The following DLG2 variants were observed in gnomAD, a reference collection of about 807,000 sequenced individuals.
DLG2 encodes the protein disks large homolog 2.
DLG2 carries 45 observed loss-of-function variants against 132.5 expected under a neutral mutation model. The observed-to-expected ratio is 0.34, with a 90% CI of 0.27 to 0.44. DLG2 has a LOEUF of 0.44. DLG2 is among the 20% of genes least tolerant of loss of function. The probability of loss-of-function intolerance (pLI) is 1.00; values close to 1 mark genes in which losing one functional copy is unlikely to be tolerated. For missense variants in DLG2, 1,045 were observed against 1,196.9 expected, an observed-to-expected ratio of 0.87 and a Z score of 1.87; for synonymous variants, 424 against 419.6, an observed-to-expected ratio of 1.01 and a Z score of -0.13.
intron 3 of DLG2, among the ~76,000 whole-genome samples, chr11:85,568,101 G>A (rs1400035963): frequency 6.8e-6 from 1 of 147,950 alleles, no homozygotes; most frequent in Admixed American, 6.9e-5. Flanking sequence ...TGAAACCTCT[G>A]CCTCCCAGGT....
At chr11:83,804,510 GGTACATTT>G (rs2045384581) in intron 17 of DLG2, among the ~76,000 whole-genome samples, 1 of 148,348 alleles carries the variant, frequency 6.7e-6, no homozygotes, top group African/African-American at 2.5e-5. Flanking sequence ...TTAACATTTT[GGTACATTT>G]GTTCTCCCTC....
chr11:85,163,451 T>A (rs2152478303), intron 4 of DLG2, among the ~76,000 whole-genome samples: 1 of 152,152 alleles, frequency 6.6e-6, no homozygotes, highest in South Asian at 2.1e-4. Flanking sequence ...ATAGAAAGTA[T>A]AGGAGGAGCA....
At chr11:85,288,391 C>T (rs1049930592) in intron 3 of DLG2, among the ~76,000 whole-genome samples, 11 of 151,548 alleles carry the variant, frequency 7.3e-5, no homozygotes, top group African/African-American at 2.4e-4. Flanking sequence ...TAATAACATA[C>T]GGGCTGGTAG....
intron 11 of DLG2, among the ~76,000 whole-genome samples, chr11:84,046,928 A>T (rs997258640): frequency 6.6e-6 from 1 of 151,680 alleles, no homozygotes; most frequent in Non-Finnish European, 1.5e-5. Context: ...TTTGACTGAC[A>T]GCTTAGTGGC....
intron 6 of DLG2, among the ~76,000 whole-genome samples, chr11:84,826,752 C>T (rs1270514137): frequency 6.6e-6 from 1 of 151,854 alleles, no homozygotes; most frequent in African/African-American, 2.4e-5. Flanking sequence ...TGTTTTCTAA[C>T]CAGGACAACC....
chr11:85,561,731 C>G (rs2077260237), intron 3 of DLG2, among the ~76,000 whole-genome samples: 1 of 151,836 alleles, frequency 6.6e-6, no homozygotes, highest in South Asian at 2.1e-4. Context: ...TACAACCGTT[C>G]TAATCACAAA....
intron 7 of DLG2, among the ~76,000 whole-genome samples, chr11:84,473,305 C>G (rs775251078): frequency 3.3e-5 from 5 of 151,984 alleles, no homozygotes; most frequent in African/African-American, 1.2e-4. Context: ...AAGCCTAGCT[C>G]TCACACAAAT....
rs147535870 is a variant in DLG2, at chr11:84,919,177, A to G, written c.357+192484T>C. On this transcript the variant is annotated intron_variant, in intron 6 of 27. Coordinates refer to ENST00000376104, the MANE Select transcript of DLG2 (RefSeq NM_001142699.3). ...CTACTTGGTGGTCTTCATTTTCTCA[A>G]TGATGAGTTAATTTGATTGAGTTAT... Among the ~76,000 whole-genome samples the G allele has an allele frequency of 3.0e-4, 45 of 152,248 alleles. No homozygotes were observed. The East Asian group carries it at 7.3e-3, about 25-fold the overall frequency.
At chr11:83,882,016 T>C (rs2066405744) in intron 15 of DLG2, among the ~76,000 whole-genome samples, 1 of 152,198 alleles carries the variant, frequency 6.6e-6, no homozygotes, top group African/African-American at 2.4e-5. Context: ...CTTAGTTCAC[T>C]TTTAATTCTT....
intron 11 of DLG2, among the ~76,000 whole-genome samples, chr11:84,055,902 T>C (rs2096490250): frequency 6.6e-6 from 1 of 152,132 alleles, no homozygotes; most frequent in African/African-American, 2.4e-5. Flanking sequence ...AAACAATACG[T>C]ATTTGTTGAA....
intron 6 of DLG2, among the ~76,000 whole-genome samples, chr11:84,600,159 GGAAAGAAAGAAAGAAAGAAA>G (rs1181993623): frequency 1.5e-3 from 144 of 96,144 alleles, no homozygotes; most frequent in Non-Finnish European, 2.0e-3. Context: ...AAAGAAAGAA[GGAAAGAAAGAAAGAAAGAAA>G]GAAAGAAAGA....
intron 8 of DLG2, among the ~76,000 whole-genome samples, chr11:84,182,687 A>G (rs1372865956): frequency 6.6e-6 from 1 of 152,194 alleles, no homozygotes; most frequent in African/African-American, 2.4e-5. Flanking sequence ...CTTCTACTTT[A>G]GAAAACTAGA....
intron 6 of DLG2, among the ~76,000 whole-genome samples, chr11:84,877,218 G>C (rs1032088106): frequency 2.0e-5 from 3 of 152,066 alleles, no homozygotes. Flanking sequence ...GTCCAGAGCT[G>C]AGTTCAAGTC....
intron 20 of DLG2, among the ~76,000 whole-genome samples, chr11:83,537,296 T>C (rs183512106): frequency 2.0e-5 from 3 of 152,332 alleles, no homozygotes; most frequent in Admixed American, 6.5e-5. Context: ...TGGGTCAGGC[T>C]TGGAGCATTG....
chr11:85,535,210 T>C (rs2075498035), intron 3 of DLG2, among the ~76,000 whole-genome samples: 1 of 152,160 alleles, frequency 6.6e-6, no homozygotes, highest in Non-Finnish European at 1.5e-5. Context: ...TTGTTTGTTT[T>C]GCAGTGTGGT....
intron 6 of DLG2, chr11:85,021,083 C>A (rs1287220805): frequency 2.6e-6 from 2 of 775,020 alleles, no homozygotes; most frequent in African/African-American, 1.7e-5. Flanking sequence ...TTTGTTTTAT[C>A]TTGGTCAACT....
intron 6 of DLG2, among the ~76,000 whole-genome samples, chr11:84,601,334 A>T (rs2099576163): frequency 6.6e-6 from 1 of 152,168 alleles, no homozygotes; most frequent in Non-Finnish European, 1.5e-5. Flanking sequence ...GTAATTAAGA[A>T]GCATTAGGAA....
chr11:84,061,244 A>G (rs1364087578), intron 10 of DLG2, among the ~76,000 whole-genome samples: 1 of 152,196 alleles, frequency 6.6e-6, no homozygotes, highest in Non-Finnish European at 1.5e-5. Flanking sequence ...TAATAGTAAT[A>G]TCTATCAGGA....
intron 9 of DLG2, among the ~76,000 whole-genome samples, chr11:84,153,989 G>A (rs971573681): frequency 7.9e-5 from 12 of 152,076 alleles, no homozygotes; most frequent in Admixed American, 2.0e-4. Flanking sequence ...ACTTGGACAG[G>A]CTTTTGAAGT....
Sources: gnomAD v4.1 joint callset for allele counts (sites outside exome capture counted in the v4.1 genomes callset) on GRCh38, gnomAD v4.1.1 for gene constraint, MANE v1.5 for transcripts, NCBI Gene and HGNC (gene_info 2026-07-23, HGNC 2026-07-21) for gene names.